CHRM5: variants seen among roughly 807,000 people sequenced by gnomAD.
The protein encoded by CHRM5 is cholinergic receptor muscarinic 5, also known as muscarinic acetylcholine receptor M5.
In CHRM5, 18 loss-of-function variants were observed where a neutral mutation model predicts 39.0. That is an observed-to-expected ratio of 0.46 (90% CI 0.32 to 0.68). The LOEUF is 0.68. Among genes scored for constraint, CHRM5 ranks in the 30% least tolerant of loss-of-function variants. The pLI is 0.04. For missense variants in CHRM5, 515 were observed against 651.1 expected (o/e 0.79, Z 2.28); for synonymous variants, 241 against 246.3 (o/e 0.98, Z 0.20).
intron 1 of CHRM5, chr15:34,039,107 C>T (rs1899335036): frequency 9.4e-7 from 1 of 1,061,442 alleles, no homozygotes; most frequent in Non-Finnish European, 1.1e-6. Context: ...ACGCCCTGGC[C>T]CCACCGGAAG....
chr15:34,047,430 G>T (rs532870632), intron 2 of CHRM5, among the ~76,000 whole-genome samples: 58 of 152,262 alleles, frequency 3.8e-4, no homozygotes, highest in Non-Finnish European at 6.2e-4. Flanking sequence ...AAGGCGGGAG[G>T]TCCATCTGCA....
intron 1 of CHRM5, among the ~76,000 whole-genome samples, chr15:34,004,920 G>A (rs1335221272): frequency 6.6e-6 from 1 of 151,998 alleles, no homozygotes; most frequent in African/African-American, 2.4e-5. Flanking sequence ...AGAAAAAAAT[G>A]AGTAAAATTA....
chr15:34,038,724 G>C, intron 1 of CHRM5: 2 of 1,127,712 alleles, frequency 1.8e-6, no homozygotes, highest in Non-Finnish European at 2.2e-6. Context: ...TGGCGGCCTC[G>C]GCCCCACTTG....
chr15:33,975,256 T>A (rs1439762408), intron 1 of CHRM5, among the ~76,000 whole-genome samples: 1 of 152,184 alleles, frequency 6.6e-6, no homozygotes, highest in Admixed American at 6.5e-5. Context: ...TCTTCTCCAT[T>A]TTAATGCAAG....
chr15:34,017,009 T>C (rs1897946013), intron 1 of CHRM5, among the ~76,000 whole-genome samples: 1 of 72,804 alleles, frequency 1.4e-5, no homozygotes. Flanking sequence ...CACATCCCTG[T>C]AGTCCAAGCT....
chr15:34,062,697 C>T lies in CHRM5; in HGVS notation c.-21C>T, dbSNP rs778044024. On this transcript the variant is annotated 5_prime_UTR_variant, in exon 3 of 3. Transcript: ENST00000383263. ...ACAGCCTAGAACCTAACACTATTTA[C>T]TGTAAAATTTTTGCACCAGGATGGA... is the stretch of plus-strand genomic sequence containing the variant. 17 of 1,588,508 alleles carry T rather than the reference C, an allele frequency of 1.1e-5. No individual in the cohort carries two copies. Among genetic ancestry groups the T allele is most frequent in the Non-Finnish European group, 1.5e-5 (17 of 1,166,426 alleles).
chr15:34,041,074 G>A (rs1899456181), intron 1 of CHRM5, among the ~76,000 whole-genome samples: 1 of 151,864 alleles, frequency 6.6e-6, no homozygotes, highest in African/African-American at 2.4e-5. Context: ...TGCACAAATC[G>A]GAGTTTCTCA....
rs542413603 is a variant in CHRM5 at position 34,034,767 on chromosome 15, T to C, written c.-407-11773T>C. Among the ~76,000 whole-genome samples the C allele has an allele frequency of 3.3e-5, 5 of 152,330 alleles. No individual in the cohort carries two copies. The East Asian group carries it at 9.6e-4, about 29-fold the overall frequency. On this transcript the variant is annotated intron_variant, in intron 1 of 2. Coordinates refer to ENST00000383263, the MANE Select transcript of CHRM5 (RefSeq NM_012125.4). The stretch of plus-strand genomic sequence containing the variant: ...CAAAATAATTACAGTGTGTGTGCAA[T>C]GGTTTGCAGCAGGAGGAGAGGTCAA...
intron 2 of CHRM5, among the ~76,000 whole-genome samples, chr15:34,049,703 A>G (rs1205707856): frequency 1.3e-5 from 2 of 152,098 alleles, no homozygotes; most frequent in East Asian, 3.9e-4. Context: ...GATACTCCAC[A>G]AGAAGATCAA....
chr15:34,036,770 T>A (rs1190416853), intron 1 of CHRM5, among the ~76,000 whole-genome samples: 1 of 152,210 alleles, frequency 6.6e-6, no homozygotes, highest in East Asian at 1.9e-4. Context: ...CAATACTATC[T>A]TAAATTTTTT....
At chr15:33,999,789 C>T (rs893711137) in intron 1 of CHRM5, among the ~76,000 whole-genome samples, 1 of 152,148 alleles carries the variant, frequency 6.6e-6, no homozygotes, top group Non-Finnish European at 1.5e-5. Context: ...AACTAGTCTA[C>T]CCGCTCCCCT....
At chr15:33,974,747 T>C (rs1597294942) in intron 1 of CHRM5, among the ~76,000 whole-genome samples, 1 of 152,120 alleles carries the variant, frequency 6.6e-6, no homozygotes, top group Admixed American at 6.5e-5. Flanking sequence ...CCGAGGCAGG[T>C]GGATCACCTG....
chr15:34,042,974 G>A (rs957946886), intron 1 of CHRM5, among the ~76,000 whole-genome samples: 141 of 152,028 alleles, frequency 9.3e-4, no homozygotes, highest in African/African-American at 3.3e-3. Flanking sequence ...TTGGCCAGGC[G>A]CGGTGGCTCA....
intron 1 of CHRM5, among the ~76,000 whole-genome samples, chr15:34,009,561 A>T (rs1006109278): frequency 6.6e-6 from 1 of 152,250 alleles, no homozygotes; most frequent in African/African-American, 2.4e-5. Flanking sequence ...AAGAAAAAGC[A>T]TAAAAAAATT....
chr15:34,022,802 T>C (rs1286871878), intron 1 of CHRM5, among the ~76,000 whole-genome samples: 2 of 152,218 alleles, frequency 1.3e-5, no homozygotes, highest in African/African-American at 4.8e-5. Context: ...ACCTTCTGGC[T>C]GGAAGGATGA....
intron 2 of CHRM5, among the ~76,000 whole-genome samples, chr15:34,053,319 A>AAAAATATATATATAT (rs775436850): frequency 6.9e-4 from 29 of 42,052 alleles, no homozygotes; most frequent in African/African-American, 2.3e-3. Flanking sequence ...AAAAAAAAAA[A>AAAAATATATATATAT]ATATATATAT....
chr15:34,060,018 G>A (rs1459975306), intron 2 of CHRM5, among the ~76,000 whole-genome samples: 2 of 152,174 alleles, frequency 1.3e-5, no homozygotes, highest in East Asian at 1.9e-4. Flanking sequence ...AGGAGAAAGC[G>A]ATTTCCACAG....
intron 2 of CHRM5, among the ~76,000 whole-genome samples, chr15:34,056,920 T>A (rs536225861): frequency 3.9e-5 from 6 of 152,142 alleles, no homozygotes; most frequent in African/African-American, 1.4e-4. Flanking sequence ...ATGCCTGTAG[T>A]CCCAGCCACT....
chr15:33,982,077 G>A (rs1896176334), intron 1 of CHRM5, among the ~76,000 whole-genome samples: 1 of 151,656 alleles, frequency 6.6e-6, no homozygotes, highest in Non-Finnish European at 1.5e-5. Context: ...ACACTGGCCA[G>A]GCTGGTCTTG....
Sources: gnomAD v4.1 joint callset for allele counts (sites outside exome capture counted in the v4.1 genomes callset) on GRCh38, gnomAD v4.1.1 for gene constraint, MANE v1.5 for transcripts, NCBI Gene and HGNC (gene_info 2026-07-23, HGNC 2026-07-21) for gene names.